SLC12A8: variants seen among roughly 807,000 people sequenced by gnomAD.
The protein encoded by SLC12A8 is solute carrier family 12 member 8, also known as cation-chloride cotransporter 9.
SLC12A8 carries 69 observed loss-of-function variants against 75.6 expected under a neutral mutation model. The ratio of observed to expected loss-of-function variants is 0.91; its 90% CI spans 0.75 to 1.11. The LOEUF is 1.11. SLC12A8 is among the 50% of genes most tolerant of loss of function. The pLI is 0.00. For missense variants in SLC12A8, 877 were observed against 896.7 expected (o/e 0.98, Z 0.28); for synonymous variants, 365 against 372.8 (o/e 0.98, Z 0.24).
chr3:125,169,870 G>C (rs1176930852), intron 5 of SLC12A8, among the ~76,000 whole-genome samples: 1 of 152,118 alleles, frequency 6.6e-6, no homozygotes, highest in Admixed American at 6.5e-5. Context: ...ACCAACAATG[G>C]ATGGACAGCG....
chr3:125,195,447 G>A (rs536301278), intron 2 of SLC12A8, among the ~76,000 whole-genome samples: 1 of 152,326 alleles, frequency 6.6e-6, no homozygotes, highest in East Asian at 1.9e-4. Context: ...ATTTCCCTGG[G>A]TTAGGATCTG....
chr3:125,126,537 G>A (rs1933213274), intron 6 of SLC12A8, among the ~76,000 whole-genome samples: 2 of 152,268 alleles, frequency 1.3e-5, no homozygotes, highest in African/African-American at 4.8e-5. Flanking sequence ...GGCACACATT[G>A]ATCAAAGTCC....
intron 8 of SLC12A8, chr3:125,110,679 C>T (rs1392431775): frequency 5.4e-6 from 1 of 183,530 alleles, no homozygotes; most frequent in African/African-American, 2.3e-5. Flanking sequence ...GCATGCGTTC[C>T]CAGAGACCAC....
intron 5 of SLC12A8, among the ~76,000 whole-genome samples, chr3:125,154,616 C>T (rs1410159365): frequency 6.6e-6 from 1 of 152,118 alleles, no homozygotes; most frequent in East Asian, 1.9e-4. Context: ...CCAGGGGATG[C>T]CTGAAACCAA....
chr3:125,132,951 A>G (rs1171978021), intron 6 of SLC12A8, among the ~76,000 whole-genome samples: 3 of 152,166 alleles, frequency 2.0e-5, no homozygotes, highest in Non-Finnish European at 4.4e-5. Context: ...TGCAAGGGGA[A>G]GTGGGTTGTT....
intron 5 of SLC12A8, among the ~76,000 whole-genome samples, chr3:125,159,716 G>C (rs1243914818): frequency 2.0e-5 from 3 of 152,142 alleles, no homozygotes; most frequent in African/African-American, 4.8e-5. Flanking sequence ...CCACTCCTGA[G>C]ACCTAGAGGT....
chr3:125,099,741 C>T (rs560550320), intron 10 of SLC12A8, among the ~76,000 whole-genome samples: 33 of 152,202 alleles, frequency 2.2e-4, no homozygotes, highest in African/African-American at 7.7e-4. Context: ...CCAGCCTGGC[C>T]AACATGGTGA....
intron 7 of SLC12A8, 94 bp from the exon 8 acceptor site, chr3:125,118,950 C>G (rs1932977413): frequency 2.4e-6 from 2 of 838,184 alleles, no homozygotes; most frequent in African/African-American, 1.7e-5. Context: ...CCAAAGGGAA[C>G]TTGTATCAGA....
intron 6 of SLC12A8, among the ~76,000 whole-genome samples, chr3:125,130,912 G>A (rs1342519638): frequency 6.6e-6 from 1 of 152,216 alleles, no homozygotes; most frequent in Non-Finnish European, 1.5e-5. Flanking sequence ...GACATTCCCT[G>A]CACAGTGTGA....
chr3:125,163,387 C>T (rs1441964598), intron 5 of SLC12A8, among the ~76,000 whole-genome samples: 1 of 151,884 alleles, frequency 6.6e-6, no homozygotes, highest in Non-Finnish European at 1.5e-5. Context: ...GTGGACGGAT[C>T]ACGAGGTCGG....
intron 6 of SLC12A8, among the ~76,000 whole-genome samples, chr3:125,123,973 T>A (rs905258402): frequency 6.6e-6 from 1 of 152,122 alleles, no homozygotes; most frequent in African/African-American, 2.4e-5. Context: ...GACTGATTCA[T>A]CCTAATTGCT....
chr3:125,110,391 A>ACC (rs200697032), intron 8 of SLC12A8, 56 bp from the exon 9 acceptor site: 15 of 1,567,500 alleles, frequency 9.6e-6, no homozygotes, highest in Non-Finnish European at 1.2e-5. Context: ...GTGCCTTTCT[A>ACC]CCCCCCCAGC....
chr3:125,183,091 G>T (rs1934701267), intron 4 of SLC12A8, among the ~76,000 whole-genome samples: 1 of 152,084 alleles, frequency 6.6e-6, no homozygotes, highest in African/African-American at 2.4e-5. Context: ...GTCTGCCCAG[G>T]TTTAGGGAAG....
chr3:125,139,202 G>A (rs1013361770), intron 5 of SLC12A8, among the ~76,000 whole-genome samples: 3 of 151,980 alleles, frequency 2.0e-5, no homozygotes, highest in Admixed American at 2.0e-4. Context: ...AACAAGACAG[G>A]AAAAATAAAA....
chr3:125,185,702 A>G (rs1934766071), intron 4 of SLC12A8, among the ~76,000 whole-genome samples: 1 of 152,230 alleles, frequency 6.6e-6, no homozygotes, highest in Admixed American at 6.5e-5. Flanking sequence ...TATATACACA[A>G]AAATCCTCCA....
chr3:125,120,300 T>TG (rs1488577626), intron 7 of SLC12A8, among the ~76,000 whole-genome samples: 1 of 29,874 alleles, frequency 3.3e-5, no homozygotes, highest in Non-Finnish European at 7.0e-5. Context: ...AAGTTCAAAA[T>TG]GGGGGTGGGG....
rs537833006 is a variant in SLC12A8, at chr3:125,185,793, G to A, written c.390+1444C>T. On this transcript the variant is annotated intron_variant, in intron 4 of 13. Transcript: ENST00000469902. Reference sequence around the variant, plus strand: ...CACCCTGATCAGGGACTCCTGGCCCGCGCCAGCGACAAACAAAGCACAGGC... The same window carrying A: ...CACCCTGATCAGGGACTCCTGGCCCACGCCAGCGACAAACAAAGCACAGGC... Among the ~76,000 whole-genome samples, 15 of 152,294 alleles carry A rather than the reference G, an allele frequency of 9.8e-5. No homozygotes were observed. In the South Asian group the frequency reaches 1.0e-3, roughly 11 times the overall value.
At chr3:125,094,115 T>C (rs1938653295) in intron 10 of SLC12A8, among the ~76,000 whole-genome samples, 2 of 152,182 alleles carry the variant, frequency 1.3e-5, no homozygotes, top group South Asian at 4.1e-4. Flanking sequence ...CCAGTAACCT[T>C]ACACTTCCTA....
intron 5 of SLC12A8, among the ~76,000 whole-genome samples, chr3:125,176,323 G>A (rs558210620): frequency 7.9e-5 from 12 of 152,170 alleles, no homozygotes; most frequent in East Asian, 5.8e-4. Flanking sequence ...CACCTGTCTC[G>A]GCCTCCCAAA....
Sources: gnomAD v4.1 joint callset for allele counts (sites outside exome capture counted in the v4.1 genomes callset) on GRCh38, gnomAD v4.1.1 for gene constraint, MANE v1.5 for transcripts, NCBI Gene and HGNC (gene_info 2026-07-23, HGNC 2026-07-21) for gene names.